KCTD15: variants seen among roughly 807,000 people sequenced by gnomAD.
KCTD15 encodes the protein BTB/POZ domain-containing protein KCTD15.
In KCTD15, 11 loss-of-function variants were observed where a neutral mutation model predicts 27.2. That is an observed-to-expected ratio of 0.41 (90% CI 0.25 to 0.67). KCTD15 has a LOEUF of 0.67. Ranked by LOEUF, KCTD15 falls within the 30% of genes least tolerant of loss-of-function variation. KCTD15 has a pLI of 0.35. For synonymous variants in KCTD15, 163 were observed against 176.0 expected (o/e 0.93, Z 0.58); for missense variants, 350 against 409.3 (o/e 0.86, Z 1.25).
At chr19:33,810,842 A>G (rs1041155853) in intron 5 of KCTD15, among the ~76,000 whole-genome samples, 5 of 151,446 alleles carry the variant, frequency 3.3e-5, no homozygotes, top group Non-Finnish European at 5.9e-5. Flanking sequence ...GTGAGCTCCT[A>G]GGCCCGGCTG....
chr19:33,809,335 GTAAA>G (rs914805246), intron 5 of KCTD15, among the ~76,000 whole-genome samples: 7 of 152,004 alleles, frequency 4.6e-5, no homozygotes, highest in Non-Finnish European at 7.4e-5. Flanking sequence ...CTTTTCATAA[GTAAA>G]TAAATAAACA....
chr19:33,808,038 C>T (rs1975768775), intron 5 of KCTD15, among the ~76,000 whole-genome samples: 1 of 152,240 alleles, frequency 6.6e-6, no homozygotes, highest in African/African-American at 2.4e-5. Flanking sequence ...AAGGTTAACC[C>T]CCAGGTCTCC....
chr19:33,811,184 T>TA, intron 5 of KCTD15, 63 bp from the exon 6 acceptor site: 1 of 348,216 alleles, frequency 2.9e-6, no homozygotes, highest in Non-Finnish European at 5.5e-6. Context: ...GCCTCCCCTC[T>TA]CCCCCTTCCC....
Position 33,800,516 on chromosome 19 carries a change from C to T in KCTD15, c.62C>T (p.Thr21Ile). Residue 21 changes from threonine to isoleucine, a missense_variant, in exon 3 of 7, where the codon ACC (threonine) becomes ATC (isoleucine). By Grantham distance (89) the Thr-to-Ile change is moderately conservative (BLOSUM62 -1). Around this residue, in one of 3 missense-constraint regions of KCTD15, gnomAD observed 77 missense variants for 72.7 expected, o/e 1.06. Transcript: ENST00000683859. The part of the protein sequence containing the change: ...SSLHTHGSTG[T>I]AEGGNMSRLS... ...CTTCACACACACGGCAGCACCGGCA[C>T]CGCGGTGAGCCTGCAGGGTGGGCTG... 1 of 1,592,734 alleles carries T rather than the reference C, an allele frequency of 6.3e-7. No homozygotes were observed. The highest frequency in any genetic ancestry group is 8.5e-7 in the Non-Finnish European group (1 of 1,170,712).
At chr19:33,795,002 G>A (rs906712508), upstream of KCTD15, among the ~76,000 whole-genome samples, 1 of 152,222 alleles carries the variant, frequency 6.6e-6, no homozygotes, top group Non-Finnish European at 1.5e-5. Context: ...CCTCGCGGGA[G>A]CCCCTCCCAA....
intron 6 of KCTD15, chr19:33,811,868 G>T: frequency 6.3e-7 from 1 of 1,598,386 alleles, no homozygotes. Context: ...CTTTGGATTC[G>T]AACTAAACCC....
chr19:33,805,525 G>T (rs1423542404), intron 4 of KCTD15, among the ~76,000 whole-genome samples: 1 of 152,200 alleles, frequency 6.6e-6, no homozygotes, highest in African/African-American at 2.4e-5. Flanking sequence ...GTCCCTGCTG[G>T]TGCAGGCAGA....
At chr19:33,797,820 A>AT (rs977954756) in intron 1 of KCTD15, among the ~76,000 whole-genome samples, 10 of 152,076 alleles carry the variant, frequency 6.6e-5, no homozygotes, top group East Asian at 1.9e-4. Context: ...GTTTCAATTA[A>AT]TTTTTTTTTA....
rs1341319754 is a variant in KCTD15 at position 33,813,474 on chromosome 19, G to C, written c.*526G>C. 3 of 443,798 alleles carry C rather than the reference G, an allele frequency of 6.8e-6. No homozygotes were observed. The highest frequency in any genetic ancestry group is 1.4e-5 in the Non-Finnish European group (3 of 221,236). 27.5% of individuals were successfully genotyped at this position (443,798 alleles called of 1,614,324 possible). A position where few individuals can be genotyped will look rare whatever the true frequency, so the allele number is the denominator to read the frequency against. On this transcript the variant is annotated 3_prime_UTR_variant, in exon 7 of 7. Coordinates refer to ENST00000683859, the MANE Select transcript of KCTD15 (RefSeq NM_001129994.2). The stretch of plus-strand genomic sequence containing the variant: ...AGTCAGACGTGCAGCATGGCTGCAG[G>C]GTGGACCAGCTGCCTGGCATTCAGG...
chr19:33,803,632 C>G (rs527549477), intron 4 of KCTD15, among the ~76,000 whole-genome samples: 1 of 152,008 alleles, frequency 6.6e-6, no homozygotes, highest in East Asian at 1.9e-4. Flanking sequence ...GGTCCTCACC[C>G]GAGACAGCCA....
In KCTD15 at chr19:33,813,601, T is replaced by C. The variant is rs879173629; in HGVS notation, c.*653T>C. On this transcript the variant is annotated 3_prime_UTR_variant, in exon 7 of 7. Coordinates refer to ENST00000683859, the MANE Select transcript of KCTD15 (RefSeq NM_001129994.2). Reference sequence around the variant, plus strand: ...TGGGGGCCTGAGGGCTGAGTGATTCTGTAACCACCTGAGACCTTCACGTTT... The same window carrying C: ...TGGGGGCCTGAGGGCTGAGTGATTCCGTAACCACCTGAGACCTTCACGTTT... The C allele has an allele frequency of 3.0e-6, 1 of 335,546 alleles. No individual in the cohort carries two copies. Among genetic ancestry groups the C allele is most frequent in the Non-Finnish European group, 5.9e-6 (1 of 170,620 alleles). 20.8% of individuals were successfully genotyped at this position (335,546 alleles called of 1,614,324 possible). A position where few individuals can be genotyped will look rare whatever the true frequency, so the allele number is the denominator to read the frequency against.
At chr19:33,800,285 C>A in intron 2 of KCTD15, 143 bp from the exon 3 acceptor site, 1 of 655,142 alleles carries the variant, frequency 1.5e-6, no homozygotes. Context: ...GAGATAGTGG[C>A]GGTGGAGTCA....
chr19:33,812,178 A>G, intron 6 of KCTD15: 2 of 1,149,992 alleles, frequency 1.7e-6, no homozygotes, highest in South Asian at 6.5e-5. Context: ...TGCTAGTTGC[A>G]GGAGACGGGT....
At chr19:33,808,573 G>A (rs1045746869) in intron 5 of KCTD15, among the ~76,000 whole-genome samples, 3 of 152,300 alleles carry the variant, frequency 2.0e-5, no homozygotes, top group Admixed American at 2.0e-4. Context: ...GGAGGCTGCT[G>A]TTTGATGTCA....
At chr19:33,809,385 T>C (rs1417649098) in intron 5 of KCTD15, among the ~76,000 whole-genome samples, 1 of 152,098 alleles carries the variant, frequency 6.6e-6, no homozygotes, top group Admixed American at 6.5e-5. Flanking sequence ...GCTGTGGTAG[T>C]GTAAAGGGCC....
intron 5 of KCTD15, 52 bp downstream of exon 5, chr19:33,807,059 C>T: frequency 6.3e-7 from 1 of 1,580,146 alleles, no homozygotes; most frequent in Non-Finnish European, 8.6e-7. Flanking sequence ...TGGCATTACA[C>T]AGGGGACGCT....
rs1975968584 is a variant in KCTD15, at chr19:33,812,813, G to C, written c.717G>C (p.Arg239Ser). The C allele has an allele frequency of 6.7e-7, 1 of 1,497,106 alleles. No homozygotes were observed. The highest frequency in any genetic ancestry group is 8.9e-7 in the Non-Finnish European group (1 of 1,119,052). 92.7% of individuals were successfully genotyped at this position (1,497,106 alleles called of 1,614,324 possible). A position where few individuals can be genotyped will look rare whatever the true frequency, so the allele number is the denominator to read the frequency against. Residue 239 changes from arginine (R) to serine (S), a missense_variant, in exon 7 of 7, where the codon AGG becomes AGC. By Grantham distance (110) the Arg-to-Ser change is moderately radical. Around this residue, in one of 3 missense-constraint regions of KCTD15, gnomAD observed 219 missense variants for 234.9 expected, o/e 0.93. Transcript: ENST00000683859. The stretch of plus-strand genomic sequence containing the variant: ...AGGTCCTGGAGCGGCTGTTCCAGAG[G>C]GGTTTCAGCGTGGCTGCGTCCTGTG... ...SVQVLERLFQRGFSVAASCGG... is the reference protein window; with the variant it reads ...SVQVLERLFQSGFSVAASCGG...
chr19:33,800,474 G>GAT lies in KCTD15; in HGVS notation c.20_21insAT (p.Pro8CysfsTer76). On this transcript the variant is annotated frameshift_variant, in exon 3 of 7. Transcript: ENST00000683859. LOFTEE classifies it high-confidence loss of function. The stretch of plus-strand genomic sequence containing the variant: ...GCCTAGATGCCTCACCGCAAGGAGC[G>GAT]GCCGAGCGGGTCCTCGCTTCACACA... The GAT allele has an allele frequency of 1.2e-6, 2 of 1,605,718 alleles. No individual in the cohort carries two copies. The highest frequency in any genetic ancestry group is 1.7e-6 in the Non-Finnish European group (2 of 1,177,338).
intron 5 of KCTD15, 128 bp downstream of exon 5, chr19:33,807,135 G>A (rs1190953527): frequency 1.7e-6 from 2 of 1,154,906 alleles, no homozygotes; most frequent in Middle Eastern, 3.0e-4. Flanking sequence ...GAAGCCGAGG[G>A]CTAAATCAGT....
Sources: gnomAD v4.1 joint callset for allele counts (sites outside exome capture counted in the v4.1 genomes callset) on GRCh38, gnomAD v4.1.1 for gene constraint, gnomAD v4.1.1 regional missense constraint, MANE v1.5 for transcripts, NCBI Gene and HGNC (gene_info 2026-07-23, HGNC 2026-07-21) for gene names.